RNASEH2A: variants seen among roughly 807,000 people sequenced by gnomAD.
RNASEH2A encodes RNase H(35).
A neutral mutation model predicts 32.7 loss-of-function variants in RNASEH2A; 30 were observed. The ratio of observed to expected loss-of-function variants is 0.92; its 90% CI spans 0.69 to 1.25. RNASEH2A has a LOEUF of 1.25. RNASEH2A is among the 50% of genes most tolerant of loss of function. RNASEH2A has a pLI of 0.00. For synonymous variants in RNASEH2A, 147 were observed against 165.4 expected, an observed-to-expected ratio of 0.89 and a Z score of 0.86; for missense variants, 409 against 398.1, an observed-to-expected ratio of 1.03 and a Z score of -0.23.
rs754428850 is a variant in RNASEH2A at position 12,806,793 on chromosome 19, C to A, written c.120C>A (p.Pro40=). 38 of 1,578,550 alleles carry A rather than the reference C, an allele frequency of 2.4e-5. No homozygotes were observed. The highest frequency in any genetic ancestry group is 3.1e-5 in the Non-Finnish European group (36 of 1,162,510). ...GCGTCGATGAGGCGGGCAGGGGCCC[C>A]GTGCTGGGTGCGCCCCTAGGGCCAG... ...VLGVDEAGRG[P]VLGPMVYAIC... The change falls in exon 1 of 8, where the codon CCC becomes CCA. Residue 40 remains proline (P), a synonymous_variant. Coordinates refer to ENST00000221486, the MANE Select transcript of RNASEH2A (RefSeq NM_006397.3).
chr19:12,810,346 G>T lies in RNASEH2A; in HGVS notation c.579G>T (p.Trp193Cys), dbSNP rs1212842320. 1.2e-6 allele frequency: 2 copies of T among 1,614,048 alleles called. No homozygotes were observed. The highest frequency in any genetic ancestry group is 2.7e-5 in the African/African-American group (2 of 74,930). The change falls in exon 6 of 8, where the codon TGG becomes TGT. Residue 193 changes from tryptophan to cysteine, a missense_variant. Transcript: ENST00000221486. ...CCCGGGACCAGGCCGTGAAGAAATG[G>T]CAGTTCGTGGAGAAACTGCAGGACT... ...KVARDQAVKK[W>C]QFVEKLQDLD... is the part of the protein sequence containing the mutation.
intron 4 of RNASEH2A, among the ~76,000 whole-genome samples, chr19:12,808,940 GA>G (rs972880651): frequency 5.9e-5 from 9 of 152,120 alleles, no homozygotes; most frequent in African/African-American, 1.9e-4. Flanking sequence ...GAAGAAGAAA[GA>G]AAGGAATTAT....
intron 4 of RNASEH2A, among the ~76,000 whole-genome samples, chr19:12,809,170 C>A (rs1479409314): frequency 6.6e-6 from 1 of 152,004 alleles, no homozygotes; most frequent in Non-Finnish European, 1.5e-5. Flanking sequence ...GTCAGGAGTT[C>A]GAGACCAGCC....
At chr19:12,810,452 G>C in intron 6 of RNASEH2A, 48 bp downstream of exon 6, 1 of 1,448,940 alleles carries the variant, frequency 6.9e-7, no homozygotes, top group Non-Finnish European at 9.7e-7. Context: ...GGCCAGGGCT[G>C]AGCACACTTC....
chr19:12,809,496 A>C (rs1268703591), intron 4 of RNASEH2A, among the ~76,000 whole-genome samples: 2 of 152,050 alleles, frequency 1.3e-5, no homozygotes, highest in Non-Finnish European at 2.9e-5. Flanking sequence ...ATTCACCACT[A>C]CACCTAGCTA....
At chr19:12,811,872 G>A (rs1401252249) in intron 6 of RNASEH2A, among the ~76,000 whole-genome samples, 1 of 151,058 alleles carries the variant, frequency 6.6e-6, no homozygotes, top group Non-Finnish European at 1.5e-5. Context: ...AGCCGAGATC[G>A]CATAATTGCA....
In RNASEH2A at chr19:12,813,558, G is replaced by C. The variant is rs1599537735; in HGVS notation, c.*92G>C. 5.8e-6 allele frequency: 9 copies of C among 1,547,230 alleles called. No individual in the cohort carries two copies. The highest frequency in any genetic ancestry group is 1.4e-5 in the African/African-American group (1 of 73,884). ...ACGTAGGGGATGTACTTTTGGGACA[G>C]AAGCAAGGTGGGAGTGTGCTCTGCA... On this transcript the variant is annotated 3_prime_UTR_variant, in exon 8 of 8. Coordinates refer to ENST00000221486, the MANE Select transcript of RNASEH2A (RefSeq NM_006397.3).
Position 12,810,315 on chromosome 19 carries a change from AG to A in RNASEH2A, c.550del. On this transcript the variant is annotated splice_acceptor_variant, in intron 5 of 7. Transcript: ENST00000221486. LOFTEE classifies it high-confidence loss of function. ...GATTCCAGGTGCCTGTTTTGCCCAC[AG>A]GTGGCCCGGGACCAGGCCGTGAAGA... 2 of 1,614,198 alleles carry A rather than the reference AG, an allele frequency of 1.2e-6. No individual in the cohort carries two copies. The highest frequency in any genetic ancestry group is 1.7e-6 in the Non-Finnish European group (2 of 1,180,034).
chr19:12,813,529 C>G lies in RNASEH2A; in HGVS notation c.*63C>G. The G allele has an allele frequency of 6.3e-7, 1 of 1,598,950 alleles. No individual in the cohort carries two copies. The highest frequency in any genetic ancestry group is 1.1e-5 in the South Asian group (1 of 90,966). On this transcript the variant is annotated 3_prime_UTR_variant, in exon 8 of 8. Coordinates refer to ENST00000221486, the MANE Select transcript of RNASEH2A (RefSeq NM_006397.3). ...AGACATTAAAATTGTTTAAGGAGAA[C>G]CACACGTAGGGGATGTACTTTTGGG...
At chr19:12,808,279 C>T (rs776696924) in intron 4 of RNASEH2A, among the ~76,000 whole-genome samples, 2 of 151,976 alleles carry the variant, frequency 1.3e-5, no homozygotes, top group Non-Finnish European at 2.9e-5. Context: ...TAAATGTGGG[C>T]AAAAATGTGC....
In RNASEH2A at chr19:12,806,602, C is replaced by T. The variant is rs1968991706; in HGVS notation, c.-72C>T. 1.9e-6 allele frequency: 3 copies of T among 1,547,332 alleles called. No homozygotes were observed. Among genetic ancestry groups the T allele is most frequent in the East Asian group, 2.4e-5 (1 of 40,942 alleles). The stretch of plus-strand genomic sequence containing the variant: ...CGGAAGCAGGCGCCGCTTCGAGGCC[C>T]GCGGAAAACGCGCGCCGAGACCCGC... On this transcript the variant is annotated 5_prime_UTR_variant, in exon 1 of 8. Transcript: ENST00000221486.
At chr19:12,810,488 T>G in intron 6 of RNASEH2A, 84 bp downstream of exon 6, 2 of 1,151,624 alleles carry the variant, frequency 1.7e-6, no homozygotes, top group Admixed American at 3.8e-5. Context: ...TTCCTTTCTG[T>G]CATTTATCAT....
chr19:12,806,869 C>T, intron 1 of RNASEH2A, 69 bp downstream of exon 1: 1 of 1,595,856 alleles, frequency 6.3e-7, no homozygotes. Flanking sequence ...GTCGGGATTG[C>T]ACTGCACCAA....
chr19:12,810,560 C>G (rs1016640014), intron 6 of RNASEH2A, among the ~76,000 whole-genome samples, 156 bp downstream of exon 6: 2 of 151,976 alleles, frequency 1.3e-5, no homozygotes, highest in Non-Finnish European at 2.9e-5. Context: ...GACGGAGTTT[C>G]GCTCTTTTTG....
At position 12,813,585 on chromosome 19, in the gene RNASEH2A, C is replaced by A; in HGVS notation, c.*119C>A. 7.9e-7 allele frequency: 1 copy of A among 1,260,360 alleles called. No individual in the cohort carries two copies. Among genetic ancestry groups the A allele is most frequent in the Non-Finnish European group, 1.1e-6 (1 of 875,038 alleles). 78.1% of individuals were successfully genotyped at this position (1,260,360 alleles called of 1,614,324 possible). The stretch of plus-strand genomic sequence containing the variant: ...AGCAAGGTGGGAGTGTGCTCTGCAG[C>A]CGGGTCCAGCTACTTCCTTTTGGAA... On this transcript the variant is annotated 3_prime_UTR_variant, in exon 8 of 8. Transcript: ENST00000221486.
chr19:12,813,173 C>T lies in RNASEH2A; in HGVS notation c.728C>T (p.Thr243Ile), dbSNP rs1969098175. Residue 243 changes from threonine (T) to isoleucine (I), a missense_variant, in exon 7 of 8, where the codon ACC becomes ATC. Transcript: ENST00000221486. ...FVRFSWRTAQ[T>I]ILEKEAEDVI... is the part of the protein sequence containing the mutation. ...CGGTTCAGCTGGCGCACGGCCCAGACCATCCTGGAGAAAGAGGCGGAAGAT... is the reference window on the plus strand; with the variant it reads ...CGGTTCAGCTGGCGCACGGCCCAGATCATCCTGGAGAAAGAGGCGGAAGAT... 3 of 1,613,924 alleles carry T rather than the reference C, an allele frequency of 1.9e-6. No homozygotes were observed. Among genetic ancestry groups the T allele is most frequent in the Non-Finnish European group, 2.5e-6 (3 of 1,180,004 alleles).
At position 12,806,794 on chromosome 19, in the gene RNASEH2A, G is replaced by T. The variant is rs1285686950; in HGVS notation, c.121G>T (p.Val41Leu). The change falls in exon 1 of 8, where the codon GTG (valine) becomes TTG (leucine). Residue 41 changes from valine to leucine, a missense_variant. Val to Leu is a conservative substitution (Grantham distance 32, BLOSUM62 1). Coordinates refer to ENST00000221486, the MANE Select transcript of RNASEH2A (RefSeq NM_006397.3). ...CGTCGATGAGGCGGGCAGGGGCCCC[G>T]TGCTGGGTGCGCCCCTAGGGCCAGG... ...LGVDEAGRGPVLGPMVYAICY... is the reference protein window; with the variant it reads ...LGVDEAGRGPLLGPMVYAICY... 2 of 1,578,782 alleles carry T rather than the reference G, an allele frequency of 1.3e-6. No homozygotes were observed. The highest frequency in any genetic ancestry group is 2.3e-5 in the East Asian group (1 of 43,712).
Position 12,813,360 on chromosome 19 carries a change from T to G in RNASEH2A, c.794T>G (p.Leu265Arg). 1 of 1,614,148 alleles carries G rather than the reference T, an allele frequency of 6.2e-7. No individual in the cohort carries two copies. Among genetic ancestry groups the G allele is most frequent in the Non-Finnish European group, 8.5e-7 (1 of 1,180,032 alleles). Residue 265 changes from leucine to arginine, a missense_variant, in exon 8 of 8, where the codon CTC becomes CGC. Transcript: ENST00000221486. ...EDSASENQEG[L>R]RKITSYFLNE... Reference sequence around the variant, plus strand: ...TCAGCATCCGAGAATCAGGAGGGACTCAGGAAGATCACATCCTACTTCCTC... The same window carrying G: ...TCAGCATCCGAGAATCAGGAGGGACGCAGGAAGATCACATCCTACTTCCTC...
In RNASEH2A at chr19:12,807,457, C is replaced by T; in HGVS notation, c.362C>T (p.Ala121Val). Residue 121 changes from alanine (A) to valine (V), a missense_variant, in exon 4 of 8, where the codon GCC (alanine) becomes GTC (valine). By Grantham distance (64) the Ala-to-Val change is moderately conservative. Transcript: ENST00000221486. ...YNLNSLSHDTATGLIQYALDQ... is the reference protein window; with the variant it reads ...YNLNSLSHDTVTGLIQYALDQ... Reference sequence around the variant, plus strand: ...CTGAACTCCCTGTCACATGATACAGCCACTGGGCTTATACAGTATGCATTG... The same window carrying T: ...CTGAACTCCCTGTCACATGATACAGTCACTGGGCTTATACAGTATGCATTG... 6.2e-7 allele frequency: 1 copy of T among 1,614,210 alleles called. No homozygotes were observed. Among genetic ancestry groups the T allele is most frequent in the Non-Finnish European group, 8.5e-7 (1 of 1,180,036 alleles).
Sources: gnomAD v4.1 joint callset for allele counts (sites outside exome capture counted in the v4.1 genomes callset) on GRCh38, gnomAD v4.1.1 for gene constraint, MANE v1.5 for transcripts, NCBI Gene and HGNC (gene_info 2026-07-23, HGNC 2026-07-21) for gene names.